Variants in FHIT observed in about 807,000 individuals in gnomAD.
FHIT encodes bis(5'-adenosyl)-triphosphatase.
A neutral mutation model predicts 17.9 loss-of-function variants in FHIT; 19 were observed. That is an observed-to-expected ratio of 1.06 (90% CI 0.74 to 1.56). The LOEUF is 1.56. Among genes scored for constraint, FHIT ranks in the 40% most tolerant of loss-of-function variants. The pLI, the probability that FHIT is intolerant of heterozygous loss-of-function variation, is 0.00. For synonymous variants in FHIT, 81 were observed against 69.7 expected (o/e 1.16, Z -0.81); for missense variants, 248 against 189.2 (o/e 1.31, Z -1.82).
chr3:60,991,338 G>A (rs2030193417), intron 3 of FHIT, among the ~76,000 whole-genome samples: 1 of 152,172 alleles, frequency 6.6e-6, no homozygotes, highest in Non-Finnish European at 1.5e-5. Context: ...AGGGAGTGGG[G>A]GCAGGAGCAG....
chr3:60,473,587 T>A (rs1435115884), intron 5 of FHIT, among the ~76,000 whole-genome samples: 2 of 152,072 alleles, frequency 1.3e-5, no homozygotes, highest in African/African-American at 4.8e-5. Flanking sequence ...GGCAAAAAAT[T>A]TTCTTTGGAA....
chr3:60,546,763 A>T (rs2107616709), intron 4 of FHIT, among the ~76,000 whole-genome samples: 1 of 152,284 alleles, frequency 6.6e-6, no homozygotes, highest in East Asian at 1.9e-4. Flanking sequence ...GAATTCACTG[A>T]ACCTTCTAAT....
At chr3:61,187,442 A>T (rs548955647) in intron 2 of FHIT, among the ~76,000 whole-genome samples, 1 of 152,278 alleles carries the variant, frequency 6.6e-6, no homozygotes, top group African/African-American at 2.4e-5. Context: ...AAGCCCTTAG[A>T]GACCTATAAA....
chr3:61,135,582 A>AAC (rs10575654), intron 2 of FHIT, among the ~76,000 whole-genome samples: 47 of 151,308 alleles, frequency 3.1e-4, no homozygotes, highest in Non-Finnish European at 5.5e-4. Flanking sequence ...CTTGTGTTCG[A>AAC]ACACACACAC....
chr3:60,042,942 G>C (rs1177300838), intron 5 of FHIT, among the ~76,000 whole-genome samples: 2 of 152,158 alleles, frequency 1.3e-5, no homozygotes, highest in African/African-American at 4.8e-5. Flanking sequence ...TTGTTACCTT[G>C]ATGAAGTGTC....
chr3:60,004,288 T>C (rs1182901987), intron 7 of FHIT, among the ~76,000 whole-genome samples: 3 of 152,122 alleles, frequency 2.0e-5, no homozygotes, highest in African/African-American at 4.8e-5. Context: ...GTCCCTACTA[T>C]ATGTGCCACG....
intron 5 of FHIT, among the ~76,000 whole-genome samples, chr3:60,444,849 A>C (rs2031205937): frequency 6.6e-6 from 1 of 152,056 alleles, no homozygotes; most frequent in African/African-American, 2.4e-5. Context: ...TATAATAAAA[A>C]AAAATTTTAA....
At chr3:61,224,844 G>A (rs2039929188) in intron 1 of FHIT, among the ~76,000 whole-genome samples, 1 of 152,152 alleles carries the variant, frequency 6.6e-6, no homozygotes, top group African/African-American at 2.4e-5. Context: ...TATACATACA[G>A]TGTGGATGGA....
chr3:61,210,681 C>T (rs1331899880), intron 1 of FHIT, among the ~76,000 whole-genome samples: 2 of 152,136 alleles, frequency 1.3e-5, no homozygotes, highest in Non-Finnish European at 1.5e-5. Context: ...TGGGAGTGAC[C>T]TGATTTTCCA....
chr3:60,575,397 C>T (rs1233470636), intron 4 of FHIT, among the ~76,000 whole-genome samples: 2 of 152,024 alleles, frequency 1.3e-5, no homozygotes, highest in Non-Finnish European at 2.9e-5. Flanking sequence ...TTTGTCTAAA[C>T]ATTAGAGATG....
chr3:60,263,898 T>C (rs1260860493), intron 5 of FHIT, among the ~76,000 whole-genome samples: 2 of 151,906 alleles, frequency 1.3e-5, no homozygotes, highest in African/African-American at 2.4e-5. Flanking sequence ...CCTAGGAAAC[T>C]GGTCTGGAGA....
chr3:61,083,872 C>T (rs928534698), intron 2 of FHIT, among the ~76,000 whole-genome samples: 27 of 152,056 alleles, frequency 1.8e-4, no homozygotes, highest in African/African-American at 2.7e-4. Flanking sequence ...TTCCATTGTA[C>T]GGATATACCA....
chr3:60,704,617 C>G (rs1320012272), intron 4 of FHIT, among the ~76,000 whole-genome samples: 1 of 152,118 alleles, frequency 6.6e-6, no homozygotes, highest in Non-Finnish European at 1.5e-5. Context: ...GACAGAAAAA[C>G]AACTTGAAAA....
intron 8 of FHIT, among the ~76,000 whole-genome samples, chr3:59,794,670 A>C (rs953074129): frequency 5.9e-5 from 9 of 152,210 alleles, no homozygotes; most frequent in Non-Finnish European, 8.8e-5. Context: ...TTGTAACAGC[A>C]CTTCCTGTGT....
chr3:61,095,785 T>C (rs1054086952), intron 2 of FHIT, among the ~76,000 whole-genome samples: 1 of 152,204 alleles, frequency 6.6e-6, no homozygotes, highest in Non-Finnish European at 1.5e-5. Context: ...CTTCAGGGTA[T>C]CACTCCTGCA....
intron 3 of FHIT, among the ~76,000 whole-genome samples, chr3:60,927,439 C>A (rs181416291): frequency 2.6e-5 from 4 of 152,294 alleles, no homozygotes; most frequent in Non-Finnish European, 4.4e-5. Flanking sequence ...CTCTGCCCAG[C>A]CGCCAATCAT....
intron 3 of FHIT, among the ~76,000 whole-genome samples, chr3:60,925,676 C>T (rs1707558101): frequency 6.6e-6 from 1 of 152,154 alleles, no homozygotes; most frequent in Non-Finnish European, 1.5e-5. Context: ...AACCAGCTAA[C>T]ATCATAATGA....
At chr3:60,654,571 AC>A (rs34895617) in intron 4 of FHIT, among the ~76,000 whole-genome samples, 116,305 of 151,776 alleles carry the variant, frequency 0.77, 44,899 homozygotes, top group East Asian at 0.88. Context: ...TCCAGCAAAA[AC>A]AAACAAAAAT....
intron 2 of FHIT, among the ~76,000 whole-genome samples, chr3:61,192,070 T>C (rs2038733721): frequency 6.6e-6 from 1 of 152,114 alleles, no homozygotes; most frequent in Non-Finnish European, 1.5e-5. Flanking sequence ...TTGCCATGTC[T>C]GCCTGTAGCT....
Sources: allele counts gnomAD v4.1 joint callset (sites outside exome capture counted in the v4.1 genomes callset), GRCh38; gene constraint gnomAD v4.1.1; transcripts MANE v1.5; gene names NCBI Gene and HGNC (gene_info 2026-07-23, HGNC 2026-07-21).